The following CSRNP3 variants were observed in gnomAD, a reference collection of about 807,000 sequenced individuals.
CSRNP3 encodes cysteine/serine-rich nuclear protein 3.
Under a neutral mutation model 48.0 loss-of-function variants are expected in CSRNP3, and 12 were observed. That is an observed-to-expected ratio of 0.25 (90% CI 0.16 to 0.41). The LOEUF (loss-of-function observed/expected upper bound fraction) is 0.41. CSRNP3 is among the 10% of genes least tolerant of loss of function. The probability of loss-of-function intolerance (pLI) is 1.00; values close to 1 mark genes in which losing one functional copy is unlikely to be tolerated. For missense variants in CSRNP3, 580 were observed against 724.4 expected, an observed-to-expected ratio of 0.80 and a Z score of 2.29; for synonymous variants, 263 against 269.7, an observed-to-expected ratio of 0.98 and a Z score of 0.24.
intron 1 of CSRNP3, among the ~76,000 whole-genome samples, chr2:165,491,967 A>AAAAAG: frequency 6.6e-6 from 1 of 150,902 alleles, no homozygotes; most frequent in Non-Finnish European, 1.5e-5. Context: ...AAAAAAAAAA[A>AAAAAG]CAAAGCTAGA....
At chr2:165,606,093 T>A (rs2105305835) in intron 4 of CSRNP3, among the ~76,000 whole-genome samples, 1 of 151,440 alleles carries the variant, frequency 6.6e-6, no homozygotes, top group East Asian at 1.9e-4. Flanking sequence ...AAATTCCCAA[T>A]GAACTAAAAA....
chr2:165,618,720 C>T (rs1274484937), intron 4 of CSRNP3, among the ~76,000 whole-genome samples: 6 of 152,112 alleles, frequency 3.9e-5, no homozygotes, highest in East Asian at 3.9e-4. Context: ...GATTATAGAG[C>T]GCTAGAAATA....
At chr2:165,486,477 C>T (rs2105452711) in intron 1 of CSRNP3, among the ~76,000 whole-genome samples, 1 of 147,728 alleles carries the variant, frequency 6.8e-6, no homozygotes, top group African/African-American at 2.5e-5. Context: ...TCTGTAGGCT[C>T]CACCTCTGGG....
intron 2 of CSRNP3, among the ~76,000 whole-genome samples, chr2:165,504,465 A>G (rs1684398161): frequency 6.6e-6 from 1 of 152,196 alleles, no homozygotes; most frequent in East Asian, 1.9e-4. Context: ...AAACCGGCTC[A>G]AACTCCAGTG....
chr2:165,532,417 AT>A (rs1329613543), intron 3 of CSRNP3, among the ~76,000 whole-genome samples: 6 of 150,018 alleles, frequency 4.0e-5, no homozygotes, highest in Admixed American at 1.3e-4. Context: ...ATGCAAATCA[AT>A]AAATGTAATC....
chr2:165,614,177 G>A (rs577869925), intron 4 of CSRNP3, among the ~76,000 whole-genome samples: 8 of 151,658 alleles, frequency 5.3e-5, no homozygotes, highest in African/African-American at 9.7e-5. Flanking sequence ...TTTATTCACA[G>A]GTTTTTTTTA....
intron 2 of CSRNP3, among the ~76,000 whole-genome samples, chr2:165,502,568 T>C (rs1387049343): frequency 6.6e-6 from 1 of 152,048 alleles, no homozygotes; most frequent in East Asian, 1.9e-4. Flanking sequence ...AAGGGTATTG[T>C]TTTTAATTGC....
intron 5 of CSRNP3, among the ~76,000 whole-genome samples, chr2:165,665,847 G>A (rs1687175203): frequency 6.8e-6 from 1 of 147,364 alleles, no homozygotes; most frequent in South Asian, 2.2e-4. Context: ...AAGCAAGGAA[G>A]GAAGGAAGGA....
rs1687593945 is a variant in CSRNP3 at position 165,684,296 on chromosome 2, T to G, written c.*4543T>G. The G allele has an allele frequency of 6.6e-6, 1 of 152,100 alleles. No homozygotes were observed. Among genetic ancestry groups the G allele is most frequent in the African/African-American group, 2.4e-5 (1 of 41,456 alleles). 9.4% of individuals were successfully genotyped at this position (152,100 alleles called of 1,614,324 possible). A position where few individuals can be genotyped will look rare whatever the true frequency, so the allele number is the denominator to read the frequency against. On this transcript the variant is annotated 3_prime_UTR_variant, in exon 7 of 7. Coordinates refer to ENST00000651982, the MANE Select transcript of CSRNP3 (RefSeq NM_001172173.2). ...ATTAGCAGGTGGAAAATTTATATTC[T>G]CAGAAGCCAACAGGAGACTGCCTTT...
At chr2:165,492,297 T>G (rs1380763873) in intron 1 of CSRNP3, among the ~76,000 whole-genome samples, 1 of 152,196 alleles carries the variant, frequency 6.6e-6, no homozygotes. Context: ...CTATACTACT[T>G]AAATTCTATA....
rs774838431 is a variant in CSRNP3 at position 165,687,296 on chromosome 2, G to C, written c.*7543G>C. On this transcript the variant is annotated 3_prime_UTR_variant, in exon 7 of 7. Transcript: ENST00000651982. ...TGACCAACTTTTGACAAATATGGCTGTACTAGGTTTTCATTTTTGCTGTTG... is the reference window on the plus strand; with the variant it reads ...TGACCAACTTTTGACAAATATGGCTCTACTAGGTTTTCATTTTTGCTGTTG... 3.3e-5 allele frequency: 5 copies of C among 152,052 alleles called. No homozygotes were observed. Among genetic ancestry groups the C allele is most frequent in the Non-Finnish European group, 7.4e-5 (5 of 68,000 alleles). 9.4% of individuals were successfully genotyped at this position (152,052 alleles called of 1,614,324 possible).
chr2:165,628,053 A>C (rs1320660898), intron 4 of CSRNP3, among the ~76,000 whole-genome samples: 4 of 152,180 alleles, frequency 2.6e-5, no homozygotes, highest in African/African-American at 9.7e-5. Flanking sequence ...CCTGAAGAGA[A>C]TGGTTAGTTT....
intron 4 of CSRNP3, among the ~76,000 whole-genome samples, chr2:165,619,455 GT>G (rs1189420676): frequency 1.3e-5 from 2 of 152,104 alleles, no homozygotes; most frequent in Non-Finnish European, 2.9e-5. Flanking sequence ...TCAGGGGTTA[GT>G]TTGTTGGGGA....
At chr2:165,629,189 T>C (rs1013944827) in intron 4 of CSRNP3, among the ~76,000 whole-genome samples, 1 of 152,208 alleles carries the variant, frequency 6.6e-6, no homozygotes, top group Non-Finnish European at 1.5e-5. Flanking sequence ...ACAGATAATC[T>C]CTGAAACTCA....
At chr2:165,498,280 A>G (rs1408525145) in intron 2 of CSRNP3, among the ~76,000 whole-genome samples, 1 of 152,132 alleles carries the variant, frequency 6.6e-6, no homozygotes, top group African/African-American at 2.4e-5. Context: ...TGCAGTGTGA[A>G]TCTTTAACAG....
At chr2:165,476,117 AT>A (rs1012541222) in intron 1 of CSRNP3, among the ~76,000 whole-genome samples, 15 of 152,240 alleles carry the variant, frequency 9.9e-5, no homozygotes, top group Non-Finnish European at 2.1e-4. Context: ...TAGTCAATGA[AT>A]CCCCATTCTC....
At chr2:165,618,921 T>G (rs530354904) in intron 4 of CSRNP3, among the ~76,000 whole-genome samples, 1 of 152,326 alleles carries the variant, frequency 6.6e-6, no homozygotes, top group South Asian at 2.1e-4. Flanking sequence ...GAAAAGCTGT[T>G]CAAACATTCG....
chr2:165,535,294 A>G (rs1447534460), intron 3 of CSRNP3, among the ~76,000 whole-genome samples: 1 of 151,548 alleles, frequency 6.6e-6, no homozygotes, highest in Non-Finnish European at 1.5e-5. Flanking sequence ...GACTAGGTAT[A>G]TTCTAAATAC....
intron 3 of CSRNP3, among the ~76,000 whole-genome samples, chr2:165,521,561 A>G (rs1168803340): frequency 1.3e-5 from 2 of 152,084 alleles, no homozygotes; most frequent in Admixed American, 1.3e-4. Context: ...TGAATTTCAC[A>G]TTACCTGGTA....
Sources: gnomAD v4.1 joint callset for allele counts (sites outside exome capture counted in the v4.1 genomes callset) on GRCh38, gnomAD v4.1.1 for gene constraint, MANE v1.5 for transcripts, NCBI Gene and HGNC (gene_info 2026-07-23, HGNC 2026-07-21) for gene names.